The following TUBGCP5 variants were observed in gnomAD, a reference collection of about 807,000 sequenced individuals.
TUBGCP5 encodes the protein tubulin gamma complex component 5, also known as gamma-tubulin complex component 5.
Under a neutral mutation model 134.7 loss-of-function variants are expected in TUBGCP5, and 98 were observed. That is an observed-to-expected ratio of 0.73 (90% CI 0.62 to 0.86). The LOEUF (loss-of-function observed/expected upper bound fraction) is 0.86, where lower values mean the gene tolerates loss of function less well. Among genes scored for constraint, TUBGCP5 ranks in the 40% least tolerant of loss-of-function variants. The pLI, the probability that TUBGCP5 is intolerant of heterozygous loss-of-function variation, is 0.00. For synonymous variants in TUBGCP5, 456 were observed against 431.4 expected, an observed-to-expected ratio of 1.06 and a Z score of -0.71; for missense variants, 1,150 against 1,244.8, an observed-to-expected ratio of 0.92 and a Z score of 1.15.
At chr15:23,016,967 G>GAT (rs1432048816) in intron 13 of TUBGCP5, among the ~76,000 whole-genome samples, 1 of 60,846 alleles carries the variant, frequency 1.6e-5, no homozygotes, top group African/African-American at 9.6e-5. Flanking sequence ...AAAAAATTGT[G>GAT]AGATATATAT....
rs1394464989 is a variant in TUBGCP5 at position 23,011,276 on chromosome 15, A to G, written c.1812T>C (p.Leu604=). The G allele has an allele frequency of 3.1e-6, 5 of 1,613,872 alleles. No homozygotes were observed. The highest frequency in any genetic ancestry group is 4.2e-6 in the Non-Finnish European group (5 of 1,180,006). The change falls in exon 14 of 23, where the codon CTT becomes CTC. Residue 604 remains leucine, a synonymous_variant. Transcript: ENST00000615383. The part of the protein sequence containing the change: ...TLFLESVQSR[L]RHGEDSTPQV... ...GTGGAGTGGAATCTTCTCCATGTCG[A>G]AGACGGGACTGTACAGATTCCAGAA...
At chr15:23,027,113 A>T in intron 7 of TUBGCP5, 79 bp downstream of exon 7, 1 of 1,065,514 alleles carries the variant, frequency 9.4e-7, no homozygotes, top group Non-Finnish European at 1.4e-6. Context: ...GGAAGAACTT[A>T]AGTCACAAAT....
intron 13 of TUBGCP5, among the ~76,000 whole-genome samples, chr15:23,011,874 G>C (rs2065052816): frequency 6.7e-6 from 1 of 150,222 alleles, no homozygotes; most frequent in Non-Finnish European, 1.5e-5. Flanking sequence ...CCAGCACTTT[G>C]GGAGGCTGAG....
At chr15:23,030,036 A>T (rs907496376) in intron 6 of TUBGCP5, among the ~76,000 whole-genome samples, 11 of 152,314 alleles carry the variant, frequency 7.2e-5, no homozygotes, top group African/African-American at 2.6e-4. Context: ...GTCTACAAAA[A>T]ATACAAAAAT....
rs1169290297 is a variant in TUBGCP5 at position 23,017,632 on chromosome 15, T to C, written c.1756+141A>G. 11 of 807,952 alleles carry C rather than the reference T, an allele frequency of 1.4e-5. 1 individual carries two copies. The highest frequency in any genetic ancestry group is 1.9e-5 in the Non-Finnish European group (10 of 537,168). 50.0% of individuals were successfully genotyped at this position (807,952 alleles called of 1,614,324 possible). ...AATCAAGAGCAGCATGGTTACTAATTCAACCATGACGATAATTGCCACCGA... is the reference window on the plus strand; with the variant it reads ...AATCAAGAGCAGCATGGTTACTAATCCAACCATGACGATAATTGCCACCGA... On this transcript the variant is annotated intron_variant, in intron 13 of 22. Transcript: ENST00000615383.
intron 22 of TUBGCP5, 92 bp from the exon 23 acceptor site, chr15:22,999,958 T>C: frequency 8.9e-7 from 1 of 1,129,760 alleles, no homozygotes; most frequent in Admixed American, 1.8e-5. Flanking sequence ...TCACCCAGGC[T>C]GGAGTGCAAT....
chr15:23,032,099 GA>G, intron 4 of TUBGCP5, 70 bp from the exon 5 acceptor site: 5 of 1,096,214 alleles, frequency 4.6e-6, no homozygotes, highest in African/African-American at 1.6e-5. Flanking sequence ...CAAAACTAAG[GA>G]AAAAAGACTA....
rs2065527113 is a variant in TUBGCP5, at chr15:23,019,328, G to A, written c.1378C>T (p.Leu460Phe). The A allele has an allele frequency of 6.2e-7, 1 of 1,612,458 alleles. No homozygotes were observed. Among genetic ancestry groups the A allele is most frequent in the Non-Finnish European group, 8.5e-7 (1 of 1,178,804 alleles). The change falls in exon 12 of 23, where the codon CTC becomes TTC. Residue 460 changes from leucine (L) to phenylalanine (F), a missense_variant. Coordinates refer to ENST00000615383, the MANE Select transcript of TUBGCP5 (RefSeq NM_052903.6). The stretch of plus-strand genomic sequence containing the variant: ...GTTTCCACCCAGAGAGAGAAAAGGA[G>A]GGAGACCTGAGGCAGAGAGTGTGCA... ...VGEASEQTVS[L>F]LFSLWVETVR...
intron 1 of TUBGCP5, among the ~76,000 whole-genome samples, chr15:23,039,058 G>T (rs1418287371): frequency 3.3e-5 from 5 of 151,936 alleles, no homozygotes; most frequent in African/African-American, 1.2e-4. Flanking sequence ...TATAAACATG[G>T]AGTTGCTACG....
At chr15:22,997,915 CTT>C (rs61041986), downstream of TUBGCP5, among the ~76,000 whole-genome samples, 8 of 143,814 alleles carry the variant, frequency 5.6e-5, no homozygotes, top group East Asian at 1.2e-3. Context: ...TATGTGTGGC[CTT>C]TTTTTTTTTT....
At chr15:22,995,667 T>C (rs1367533040), downstream of TUBGCP5, among the ~76,000 whole-genome samples, 1 of 151,760 alleles carries the variant, frequency 6.6e-6, no homozygotes, top group Non-Finnish European at 1.5e-5. Flanking sequence ...TCCCAGTTGC[T>C]CCACACCCAG....
intron 3 of TUBGCP5, among the ~76,000 whole-genome samples, chr15:23,036,084 T>G (rs76428744): frequency 0.045 from 6,869 of 152,210 alleles, 412 homozygotes; most frequent in African/African-American, 0.14. Flanking sequence ...AGCTAGGGAA[T>G]GTGGTCCCAC....
At chr15:23,027,081 C>T in intron 7 of TUBGCP5, 111 bp downstream of exon 7, 3 of 860,170 alleles carry the variant, frequency 3.5e-6, no homozygotes, top group Non-Finnish European at 5.3e-6. Flanking sequence ...ATTGTCAAAA[C>T]AAAAACAAGT....
downstream of TUBGCP5, among the ~76,000 whole-genome samples, chr15:22,994,399 T>C (rs1371702190): frequency 6.6e-6 from 1 of 151,916 alleles, no homozygotes; most frequent in Non-Finnish European, 1.5e-5. Flanking sequence ...CCCAGTCCAT[T>C]TTACAGATAG....
chr15:23,025,017 T>A (rs1337467537), intron 8 of TUBGCP5, among the ~76,000 whole-genome samples, 187 bp from the exon 9 acceptor site: 1 of 152,012 alleles, frequency 6.6e-6, no homozygotes, highest in East Asian at 1.9e-4. Context: ...TTCTGCAGCC[T>A]CAGCCTCTCC....
At chr15:22,997,215 T>C (rs1186051669), downstream of TUBGCP5, among the ~76,000 whole-genome samples, 2 of 152,102 alleles carry the variant, frequency 1.3e-5, no homozygotes, top group Non-Finnish European at 2.9e-5. Context: ...AGTCTTGCTC[T>C]GTCACCCAGG....
At chr15:23,020,469 C>G (rs1486956606) in intron 11 of TUBGCP5, among the ~76,000 whole-genome samples, 2 of 150,970 alleles carry the variant, frequency 1.3e-5, no homozygotes, top group Non-Finnish European at 3.0e-5. Context: ...GCCTGTAGTC[C>G]CAGCTACTCA....
chr15:23,017,507 T>G (rs1320487021), intron 13 of TUBGCP5, among the ~76,000 whole-genome samples: 6 of 151,984 alleles, frequency 3.9e-5, no homozygotes, highest in Non-Finnish European at 8.8e-5. Flanking sequence ...AAAGTTCCAG[T>G]CCTAAGGAAT....
At chr15:23,019,519 C>G in intron 11 of TUBGCP5, 185 bp from the exon 12 acceptor site, 3 of 572,568 alleles carry the variant, frequency 5.2e-6, no homozygotes, top group Non-Finnish European at 9.4e-6. Flanking sequence ...ACCTAAATGC[C>G]GGGCGTGGTG....
Sources: allele counts gnomAD v4.1 joint callset (sites outside exome capture counted in the v4.1 genomes callset), GRCh38; gene constraint gnomAD v4.1.1; transcripts MANE v1.5; gene names NCBI Gene and HGNC (gene_info 2026-07-23, HGNC 2026-07-21).